ADAMTSL3: variants seen among roughly 807,000 people sequenced by gnomAD.
ADAMTSL3 encodes the protein ADAMTS like 3, also known as ADAMTS-like protein 3.
A neutral mutation model predicts 201.7 loss-of-function variants in ADAMTSL3; 128 were observed. That is an observed-to-expected ratio of 0.63 (90% confidence interval 0.55 to 0.73). The LOEUF (loss-of-function observed/expected upper bound fraction) is 0.73, where lower values mean the gene tolerates loss of function less well. ADAMTSL3 is among the 30% of genes least tolerant of loss of function. The pLI is 0.00. For missense variants in ADAMTSL3, 1,990 were observed against 2,119.6 expected, an observed-to-expected ratio of 0.94 and a Z score of 1.20; for synonymous variants, 738 against 748.4, an observed-to-expected ratio of 0.99 and a Z score of 0.23.
chr15:83,676,195 A>G (rs2061402640), intron 2 of ADAMTSL3, among the ~76,000 whole-genome samples: 1 of 144,922 alleles, frequency 6.9e-6, no homozygotes, highest in Non-Finnish European at 1.5e-5. Flanking sequence ...TTGATTTGAG[A>G]TCTTTTCTTT....
chr15:83,801,044 C>G (rs4356436), intron 4 of ADAMTSL3, among the ~76,000 whole-genome samples: 1 of 152,104 alleles, frequency 6.6e-6, no homozygotes, highest in Non-Finnish European at 1.5e-5. Context: ...ACATTTTTTT[C>G]TACCATCCTC....
At chr15:83,669,188 C>T (rs1485291774) in intron 2 of ADAMTSL3, among the ~76,000 whole-genome samples, 2 of 152,174 alleles carry the variant, frequency 1.3e-5, no homozygotes, top group African/African-American at 2.4e-5. Flanking sequence ...CTCGGCTGCC[C>T]AGCCTGGAGT....
At chr15:83,826,113 A>G (rs566294910) in intron 6 of ADAMTSL3, among the ~76,000 whole-genome samples, 1 of 149,386 alleles carries the variant, frequency 6.7e-6, no homozygotes, top group Non-Finnish European at 1.5e-5. Context: ...TTAAGGATGT[A>G]TTTTTTTTTT....
intron 6 of ADAMTSL3, among the ~76,000 whole-genome samples, chr15:83,823,210 G>C (rs1365399012): frequency 3.7e-5 from 5 of 136,472 alleles, no homozygotes; most frequent in Non-Finnish European, 6.3e-5. Context: ...GTGAGGGAGA[G>C]GGTGAGGGGG....
At chr15:83,875,802 A>T (rs2065166144) in intron 9 of ADAMTSL3, among the ~76,000 whole-genome samples, 1 of 152,048 alleles carries the variant, frequency 6.6e-6, no homozygotes, top group South Asian at 2.1e-4. Context: ...ATAAAATAAA[A>T]TAAATAAAAA....
At chr15:83,759,558 C>A (rs1463250475) in intron 3 of ADAMTSL3, among the ~76,000 whole-genome samples, 1 of 152,100 alleles carries the variant, frequency 6.6e-6, no homozygotes, top group Non-Finnish European at 1.5e-5. Context: ...TTTTGACATG[C>A]ACATAGTTTA....
In ADAMTSL3 at chr15:83,923,956, C is replaced by A. The variant is rs778161366; in HGVS notation, c.2040C>A (p.Val680=). Residue 680 remains valine (V), a synonymous_variant, in exon 17 of 30, where the codon GTC becomes GTA. Coordinates refer to ENST00000286744, the MANE Select transcript of ADAMTSL3 (RefSeq NM_207517.3). Reference sequence around the variant, plus strand: ...TACATATCCAGACCCAGCAGACAGTCAATGACAGCTTGTGTGATATGGTCC... The same window carrying A: ...TACATATCCAGACCCAGCAGACAGTAAATGACAGCTTGTGTGATATGGTCC... ...VCLHIQTQQT[V]NDSLCDMVHR... 12 of 1,614,020 alleles carry A rather than the reference C, an allele frequency of 7.4e-6. No homozygotes were observed. The East Asian group carries it at 2.7e-4, about 36-fold the overall frequency.
intron 8 of ADAMTSL3, among the ~76,000 whole-genome samples, chr15:83,860,997 A>G (rs1313465798): frequency 6.6e-6 from 1 of 152,244 alleles, no homozygotes; most frequent in Non-Finnish European, 1.5e-5. Context: ...TGGTCTTAGC[A>G]AATGGCACAC....
chr15:83,811,655 C>T (rs1266815545), intron 5 of ADAMTSL3, among the ~76,000 whole-genome samples: 3 of 152,042 alleles, frequency 2.0e-5, no homozygotes, highest in African/African-American at 7.2e-5. Context: ...TGGGAGAATG[C>T]GGCAGAAATG....
intron 7 of ADAMTSL3, among the ~76,000 whole-genome samples, chr15:83,856,542 G>C (rs1330400839): frequency 6.6e-6 from 1 of 151,968 alleles, no homozygotes; most frequent in Admixed American, 6.6e-5. Context: ...AAACATCTGT[G>C]AGAACCATGA....
At chr15:83,834,398 C>T (rs1202018062) in intron 6 of ADAMTSL3, among the ~76,000 whole-genome samples, 6 of 152,128 alleles carry the variant, frequency 3.9e-5, no homozygotes, top group African/African-American at 1.4e-4. Flanking sequence ...ACCACAGCTC[C>T]ATATACTCTG....
At chr15:83,936,173 A>G (rs2066456362) in intron 17 of ADAMTSL3, among the ~76,000 whole-genome samples, 1 of 152,058 alleles carries the variant, frequency 6.6e-6, no homozygotes, top group Non-Finnish European at 1.5e-5. Context: ...ATATTGTCCA[A>G]CAAAACCTTG....
intron 7 of ADAMTSL3, among the ~76,000 whole-genome samples, chr15:83,856,587 G>A (rs920717445): frequency 5.3e-5 from 8 of 152,036 alleles, no homozygotes; most frequent in Admixed American, 4.6e-4. Context: ...CAAGGATCAC[G>A]AATTTTTTCT....
At chr15:83,889,998 CTGAGT>C (rs1341767107) in intron 10 of ADAMTSL3, 106 bp from the exon 11 acceptor site, 2 of 1,198,818 alleles carry the variant, frequency 1.7e-6, no homozygotes, top group Non-Finnish European at 1.2e-6. Context: ...TTGAGAACCA[CTGAGT>C]TAAGTTTCTT....
At chr15:83,776,977 A>G (rs2063086389) in intron 4 of ADAMTSL3, among the ~76,000 whole-genome samples, 1 of 152,214 alleles carries the variant, frequency 6.6e-6, no homozygotes, top group African/African-American at 2.4e-5. Flanking sequence ...GCCACTGCAG[A>G]CAGAGCCTTG....
chr15:83,706,830 A>AT (rs1250908741), intron 3 of ADAMTSL3, among the ~76,000 whole-genome samples: 2 of 144,706 alleles, frequency 1.4e-5, no homozygotes, highest in South Asian at 2.3e-4. Flanking sequence ...CCCCTGGATA[A>AT]TTTTTTTTGT....
chr15:84,034,860 G>T (rs547325687), intron 28 of ADAMTSL3, among the ~76,000 whole-genome samples: 1 of 151,930 alleles, frequency 6.6e-6, no homozygotes, highest in Non-Finnish European at 1.5e-5. Flanking sequence ...GTAGAAACAG[G>T]GTTCCTTTAT....
chr15:84,019,892 CAAAA>C (rs1219615275), intron 25 of ADAMTSL3, among the ~76,000 whole-genome samples: 1 of 65,194 alleles, frequency 1.5e-5, no homozygotes, highest in Non-Finnish European at 2.9e-5. Context: ...GACTCTGTCT[CAAAA>C]AAAAAAAAAA....
intron 8 of ADAMTSL3, among the ~76,000 whole-genome samples, chr15:83,869,984 A>T (rs1292250028): frequency 6.6e-6 from 1 of 152,206 alleles, no homozygotes; most frequent in African/African-American, 2.4e-5. Context: ...AAGTGTGGTG[A>T]CACTTAGAAA....
Sources: allele counts gnomAD v4.1 joint callset (sites outside exome capture counted in the v4.1 genomes callset), GRCh38; gene constraint gnomAD v4.1.1; transcripts MANE v1.5; gene names NCBI Gene and HGNC (gene_info 2026-07-23, HGNC 2026-07-21).